The following APC variants were observed in gnomAD, a reference collection of about 807,000 sequenced individuals.
The protein encoded by APC is adenomatous polyposis coli protein.
In APC, 72 loss-of-function variants were observed where a neutral mutation model predicts 247.0. The ratio of observed to expected loss-of-function variants is 0.29; its 90% CI spans 0.24 to 0.35. The LOEUF (loss-of-function observed/expected upper bound fraction) is 0.35. Among genes scored for constraint, APC ranks in the 10% least tolerant of loss-of-function variants. The pLI is 1.00. For missense variants in APC, 3,400 were observed against 3,360.7 expected (o/e 1.01, Z -0.29); for synonymous variants, 1,254 against 1,162.5 (o/e 1.08, Z -1.60).
intron 2 of APC, among the ~76,000 whole-genome samples, chr5:112,761,534 C>G (rs151111350): frequency 6.4e-4 from 98 of 151,952 alleles, no homozygotes; most frequent in Middle Eastern, 3.4e-3. Flanking sequence ...AATTAGTGAA[C>G]TAGTGAGAAG....
intron 1 of APC, among the ~76,000 whole-genome samples, chr5:112,738,738 A>G (rs1162692398): frequency 1.3e-5 from 2 of 152,228 alleles, no homozygotes; most frequent in African/African-American, 4.8e-5. Flanking sequence ...GCCATAGTTT[A>G]TAAATGCAGC....
At chr5:112,763,963 C>T (rs1430833513) in intron 2 of APC, among the ~76,000 whole-genome samples, 4 of 151,894 alleles carry the variant, frequency 2.6e-5, no homozygotes, top group East Asian at 1.9e-4. Context: ...ATCGGCCGGG[C>T]GCGGTGGCTC....
intron 9 of APC, 63 bp from the exon 10 acceptor site, chr5:112,818,903 A>G (rs1762794275): frequency 6.4e-7 from 1 of 1,564,378 alleles, no homozygotes; most frequent in African/African-American, 1.4e-5. Flanking sequence ...TCATCACTTA[A>G]TTGGTTTTTG....
rs143986887 is a variant in APC, at chr5:112,809,561, T to C, written c.835-5934T>C. 4.0e-5 allele frequency among the ~76,000 whole-genome samples: 6 copies of C among 151,538 alleles called. No individual in the cohort carries two copies. The East Asian group carries it at 9.7e-4, about 24-fold the overall frequency. ...AGGGAACAGTTAACAGTTTCCACCA[T>C]TGCCATGAGGACTAAAAAATCACCT... is the stretch of plus-strand genomic sequence containing the variant. On this transcript the variant is annotated intron_variant, in intron 8 of 15. Transcript: ENST00000257430.
chr5:112,793,245 G>A (rs1463394959), intron 7 of APC, among the ~76,000 whole-genome samples: 2 of 152,086 alleles, frequency 1.3e-5, no homozygotes, highest in Non-Finnish European at 2.9e-5. Flanking sequence ...TAAACAAAGG[G>A]TCTTTGGTTA....
In APC at chr5:112,841,452, A is replaced by T; in HGVS notation, c.5858A>T (p.Asn1953Ile). 6.2e-7 allele frequency: 1 copy of T among 1,613,930 alleles called. No homozygotes were observed. The highest frequency in any genetic ancestry group is 8.5e-7 in the Non-Finnish European group (1 of 1,179,850). Residue 1953 changes from asparagine to isoleucine, a missense_variant, in exon 16 of 16, where the codon AAT becomes ATT. Physicochemically the swap from Asn to Ile is moderately radical, Grantham distance 149. Around this residue, in one of 9 missense-constraint regions of APC, gnomAD observed 1,788 missense variants for 1,649.5 expected, o/e 1.08. Coordinates refer to ENST00000257430, the MANE Select transcript of APC (RefSeq NM_000038.6). The surrounding 1 kb of genome is among the most constrained non-coding windows in gnomAD (Gnocchi z 4.6). ...GCAGCAACTGATGAAAAGTTACAGAATTTTGCTATTGAAAATACTCCGGTT... is the reference window on the plus strand; with the variant it reads ...GCAGCAACTGATGAAAAGTTACAGATTTTTGCTATTGAAAATACTCCGGTT... ...RGAATDEKLQNFAIENTPVCF... is the reference protein window; with the variant it reads ...RGAATDEKLQIFAIENTPVCF...
Position 112,840,684 on chromosome 5 carries a change from C to T in APC, c.5090C>T (p.Thr1697Ile), listed in dbSNP as rs1369698235. ...ACCATTCCTACAGAAGGCAGAAGTA[C>T]AGATGAGGCTCAAGGAGGAAAAACC... ...RDTIPTEGRS[T>I]DEAQGGKTSS... The change falls in exon 16 of 16, where the codon ACA (threonine) becomes ATA (isoleucine). Residue 1697 changes from threonine (T) to isoleucine (I), a missense_variant. Transcript: ENST00000257430. This position sits in a 1 kb window ranked among gnomAD's most constrained non-coding sequence, Gnocchi z 4.1. 1.2e-6 allele frequency: 2 copies of T among 1,614,044 alleles called. No homozygotes were observed. The highest frequency in any genetic ancestry group is 2.2e-5 in the East Asian group (1 of 44,878).
In APC at chr5:112,821,901, G is replaced by T. The variant is rs1064793023; in HGVS notation, c.1318G>T (p.Ala440Ser). 6.2e-7 allele frequency: 1 copy of T among 1,611,958 alleles called. No homozygotes were observed. Among genetic ancestry groups the T allele is most frequent in the South Asian group, 1.1e-5 (1 of 91,044 alleles). Residue 440 changes from alanine to serine, a missense_variant, in exon 11 of 16, where the codon GCT becomes TCT. Around this residue, in one of 9 missense-constraint regions of APC, gnomAD observed 199 missense variants for 212.5 expected, o/e 0.94. Transcript: ENST00000257430. The stretch of plus-strand genomic sequence containing the variant: ...ATGTTGATTTTATTTTTCAGTGCCA[G>T]CTCCTGTTGAACATCAGATCTGTCC... The part of the protein sequence containing the change: ...GMDQDKNPMP[A>S]PVEHQICPAV...
rs553503772 is a variant in APC, at chr5:112,783,531, A to G, written c.645+2628A>G. On this transcript the variant is annotated intron_variant, in intron 6 of 15. Coordinates refer to ENST00000257430, the MANE Select transcript of APC (RefSeq NM_000038.6). ...AACCATGCCAGGCATGGTGATTCAC[A>G]CCTGTAATTCTAGCACTTTGAGAGG... is the stretch of plus-strand genomic sequence containing the variant. Among the ~76,000 whole-genome samples the G allele has an allele frequency of 4.6e-5, 7 of 151,262 alleles. No individual in the cohort carries two copies. In the South Asian group the frequency reaches 1.3e-3, roughly 27 times the overall value.
At chr5:112,773,099 A>G (rs1250267509) in intron 4 of APC, among the ~76,000 whole-genome samples, 2 of 152,192 alleles carry the variant, frequency 1.3e-5, no homozygotes, top group Non-Finnish European at 2.9e-5. Flanking sequence ...ATGCTACATC[A>G]TAAGCAGGGG....
At chr5:112,808,363 A>T (rs1391093606) in intron 8 of APC, among the ~76,000 whole-genome samples, 2 of 152,176 alleles carry the variant, frequency 1.3e-5, no homozygotes, top group Non-Finnish European at 2.9e-5. Flanking sequence ...ATCTGTTCTA[A>T]TCTGTATGTT....
intron 1 of APC, among the ~76,000 whole-genome samples, chr5:112,715,192 C>G (rs1011483012): frequency 2.6e-5 from 4 of 152,078 alleles, no homozygotes; most frequent in Non-Finnish European, 5.9e-5. Context: ...AAACCAAAAC[C>G]AATTATTAAT....
rs764311778 is a variant in APC, at chr5:112,842,648, A to G, written c.7054A>G (p.Ser2352Gly). ...LSQLPRTSSP[S>G]TASTKSSGSG... ...TCAACTTCCAAGGACATCATCCCCT[A>G]GTACTGCTTCAACTAAGTCCTCAGG... Residue 2352 changes from serine to glycine, a missense_variant, in exon 16 of 16, where the codon AGT becomes GGT. Coordinates refer to ENST00000257430, the MANE Select transcript of APC (RefSeq NM_000038.6). The G allele has an allele frequency of 1.2e-6, 2 of 1,613,876 alleles. No homozygotes were observed. The highest frequency in any genetic ancestry group is 1.7e-6 in the Non-Finnish European group (2 of 1,179,802).
At position 112,838,155 on chromosome 5, in the gene APC, G is replaced by A. The variant is rs1580623995; in HGVS notation, c.2561G>A (p.Arg854Lys). 1 of 1,614,176 alleles carries A rather than the reference G, an allele frequency of 6.2e-7. No homozygotes were observed. Residue 854 changes from arginine (R) to lysine (K), a missense_variant, in exon 16 of 16, where the codon AGA becomes AAA. Arg to Lys is a conservative substitution (Grantham distance 26). This residue lies in a region of APC where 715 missense variants were observed against 656.6 expected (regional missense o/e 1.09). Coordinates refer to ENST00000257430, the MANE Select transcript of APC (RefSeq NM_000038.6). ...TCTGAAAAAGATAGAAGTTTGGAGA[G>A]AGAACGCGGAATTGGTCTAGGCAAC... ...SRSEKDRSLE[R>K]ERGIGLGNYH...
At chr5:112,783,856 T>A (rs551513593) in intron 6 of APC, 11 of 308,594 alleles carry the variant, frequency 3.6e-5, no homozygotes, top group African/African-American at 1.6e-4. Flanking sequence ...AAGATGTGAA[T>A]AGTTCCATCA....
intron 4 of APC, among the ~76,000 whole-genome samples, chr5:112,769,788 C>G (rs1347837804): frequency 2.0e-5 from 3 of 152,050 alleles, no homozygotes; most frequent in Admixed American, 1.3e-4. Flanking sequence ...AGGCAGAAGA[C>G]CTTTTATAAC....
rs372416031 is a variant in APC at position 112,834,969 on chromosome 5, G to A, written c.1762G>A (p.Val588Ile). 1.8e-5 allele frequency: 29 copies of A among 1,613,822 alleles called. No homozygotes were observed. In the East Asian group the frequency reaches 2.0e-4, roughly 11 times the overall value. The change falls in exon 15 of 16, where the codon GTA becomes ATA. Residue 588 changes from valine (V) to isoleucine (I), a missense_variant. Val to Ile is a conservative substitution (Grantham distance 29, BLOSUM62 3). Coordinates refer to ENST00000257430, the MANE Select transcript of APC (RefSeq NM_000038.6). ...TTACTAGGAATCAACCCTCAAAAGC[G>A]TATTGAGTGCCTTATGGAATTTGTC... ...EVKKESTLKS[V>I]LSALWNLSAH... is the part of the protein sequence containing the mutation.
At chr5:112,714,843 A>G (rs1751067147) in intron 1 of APC, among the ~76,000 whole-genome samples, 1 of 152,108 alleles carries the variant, frequency 6.6e-6, no homozygotes, top group South Asian at 2.1e-4. Flanking sequence ...TAATTATTGT[A>G]TTCTTAATGT....
At chr5:112,740,186 G>A (rs1349004063) in intron 1 of APC, among the ~76,000 whole-genome samples, 1 of 152,138 alleles carries the variant, frequency 6.6e-6, no homozygotes, top group Admixed American at 6.5e-5. Context: ...AATACCTGGT[G>A]ACTAAGCAAA....
Sources: allele counts gnomAD v4.1 joint callset (sites outside exome capture counted in the v4.1 genomes callset), GRCh38; gene constraint gnomAD v4.1.1; regional missense constraint gnomAD v4.1.1; non-coding constraint Gnocchi (gnomAD v3.1); transcripts MANE v1.5; gene names NCBI Gene and HGNC (gene_info 2026-07-23, HGNC 2026-07-21).